The following PCDHGB2 variants were observed in gnomAD, a reference collection of about 807,000 sequenced individuals.
The protein encoded by PCDHGB2 is protocadherin gamma subfamily B, 2.
A neutral mutation model predicts 59.3 loss-of-function variants in PCDHGB2; 55 were observed. The observed-to-expected ratio is 0.93, with a 90% CI of 0.75 to 1.16. The LOEUF (loss-of-function observed/expected upper bound fraction) is 1.16. Among genes scored for constraint, PCDHGB2 ranks in the 50% most tolerant of loss-of-function variants. The pLI is 0.00. For missense variants in PCDHGB2, 1,228 were observed against 1,198.5 expected (o/e 1.02, Z -0.36); for synonymous variants, 516 against 512.0 (o/e 1.01, Z -0.11).
At chr5:141,404,023 A>G in intron 1 of PCDHGB2, 1 of 1,613,874 alleles carries the variant, frequency 6.2e-7, no homozygotes, top group South Asian at 1.1e-5. Context: ...GCCCAGTGAG[A>G]GAAGACGCAC....
chr5:141,427,971 C>T (rs764145525), intron 1 of PCDHGB2: 1 of 1,593,512 alleles, frequency 6.3e-7, no homozygotes, highest in African/African-American at 1.3e-5. Flanking sequence ...GGTGCTGTAC[C>T]CCGCGCTGGG....
chr5:141,495,430 C>T (rs1189953474), intron 2 of PCDHGB2, among the ~76,000 whole-genome samples: 3 of 152,220 alleles, frequency 2.0e-5, no homozygotes, highest in Admixed American at 2.0e-4. Context: ...TCCCACTGTC[C>T]TCTGCCCCTA....
intron 1 of PCDHGB2, chr5:141,384,771 C>A (rs568102289): frequency 1.2e-6 from 2 of 1,613,878 alleles, no homozygotes; most frequent in Non-Finnish European, 1.7e-6. Flanking sequence ...TGTACACGGG[C>A]GAGGTGCGCA....
chr5:141,371,516 A>C, intron 1 of PCDHGB2: 5 of 1,613,882 alleles, frequency 3.1e-6, no homozygotes, highest in Non-Finnish European at 4.2e-6. Context: ...CACATGATCT[A>C]GATTCTGGAT....
chr5:141,497,084 G>A (rs1417389801), intron 2 of PCDHGB2, among the ~76,000 whole-genome samples: 1 of 152,098 alleles, frequency 6.6e-6, no homozygotes, highest in East Asian at 1.9e-4. Context: ...AGCGACTTAG[G>A]AGGCTGAGGC....
chr5:141,448,948 AAAAC>A (rs1237948751), intron 1 of PCDHGB2, among the ~76,000 whole-genome samples: 14 of 152,170 alleles, frequency 9.2e-5, no homozygotes, highest in African/African-American at 9.7e-5. Flanking sequence ...GCAACTCAAA[AAAAC>A]AAACAAACAA....
Position 141,432,035 on chromosome 5 carries a change from G to T in PCDHGB2, c.2422-62772G>T. 1 of 1,614,218 alleles carries T rather than the reference G, an allele frequency of 6.2e-7. No homozygotes were observed. The highest frequency in any genetic ancestry group is 1.1e-5 in the South Asian group (1 of 91,066). On this transcript the variant is annotated intron_variant, in intron 1 of 3. Transcript: ENST00000522605. The surrounding 1 kb of genome is among the most constrained non-coding windows in gnomAD (Gnocchi z 6.0). ...CTACAACATCACAGTGACCGCCACT[G>T]ACCGGGGAACCCCGCCCCTATCCAC... is the stretch of plus-strand genomic sequence containing the variant.
At position 141,432,950 on chromosome 5, in the gene PCDHGB2, G is replaced by A. The variant is rs750033444; in HGVS notation, c.2422-61857G>A. 9.9e-6 allele frequency: 16 copies of A among 1,614,190 alleles called. No individual in the cohort carries two copies. The highest frequency in any genetic ancestry group is 1.3e-5 in the African/African-American group (1 of 75,060). ...ACGCCTGCTGCAGGCTTCAGGAGGC[G>A]GCTTGACAGGAGCGCCGGCGTCGCA... is the stretch of plus-strand genomic sequence containing the variant. On this transcript the variant is annotated intron_variant, in intron 1 of 3. Coordinates refer to ENST00000522605, the MANE Select transcript of PCDHGB2 (RefSeq NM_018923.3). This position sits in a 1 kb window ranked among gnomAD's most constrained non-coding sequence, Gnocchi z 6.0.
rs147783721 is a variant in PCDHGB2 at position 141,404,989 on chromosome 5, G to T, written c.2421+42433G>T. ...TCCTGGCTGACCTGGGCAGTCTTCAGATCCCTGCAGACCTGGAGGCCTCAG... is the reference window on the plus strand; with the variant it reads ...TCCTGGCTGACCTGGGCAGTCTTCATATCCCTGCAGACCTGGAGGCCTCAG... On this transcript the variant is annotated intron_variant, in intron 1 of 3. Transcript: ENST00000522605. 1.6e-5 allele frequency: 26 copies of T among 1,614,046 alleles called. No individual in the cohort carries two copies. In the Admixed American group the frequency reaches 4.0e-4, roughly 25 times the overall value.
intron 1 of PCDHGB2, among the ~76,000 whole-genome samples, chr5:141,475,299 T>C (rs1227132122): frequency 6.6e-6 from 1 of 152,204 alleles, no homozygotes; most frequent in Non-Finnish European, 1.5e-5. Context: ...AAATTTCTTA[T>C]TGCTCCCTGG....
chr5:141,365,402 G>A (rs1437859206), intron 1 of PCDHGB2: 2 of 1,613,998 alleles, frequency 1.2e-6, no homozygotes, highest in South Asian at 2.2e-5. Context: ...TTCGATCTCT[G>A]AAGACTGTCT....
chr5:141,408,575 G>A (rs1300122367), intron 1 of PCDHGB2: 4 of 1,613,918 alleles, frequency 2.5e-6, no homozygotes, highest in East Asian at 2.2e-5. Context: ...GGTGATTGAG[G>A]ATGTTAATGA....
At chr5:141,468,965 T>C (rs2099187692) in intron 1 of PCDHGB2, among the ~76,000 whole-genome samples, 1 of 151,738 alleles carries the variant, frequency 6.6e-6, no homozygotes, top group Admixed American at 6.6e-5. Context: ...TTTTTTACCT[T>C]AGGCTTTTGA....
At chr5:141,374,549 G>C in intron 1 of PCDHGB2, 1 of 1,613,404 alleles carries the variant, frequency 6.2e-7, no homozygotes, top group Non-Finnish European at 8.5e-7. Flanking sequence ...TCCACTAATG[G>C]AGGTCTATGA....
chr5:141,447,864 T>A (rs2098553913), intron 1 of PCDHGB2, among the ~76,000 whole-genome samples: 1 of 152,098 alleles, frequency 6.6e-6, no homozygotes, highest in Non-Finnish European at 1.5e-5. Context: ...GGTGGGTGAA[T>A]CATCTGAGGT....
intron 1 of PCDHGB2, among the ~76,000 whole-genome samples, chr5:141,453,293 T>TTATG: frequency 6.6e-6 from 1 of 151,872 alleles, no homozygotes; most frequent in Non-Finnish European, 1.5e-5. Flanking sequence ...TTTTAATTAT[T>TTATG]TATTTATTTA....
intron 1 of PCDHGB2, chr5:141,418,919 G>C: frequency 6.2e-7 from 1 of 1,614,016 alleles, no homozygotes. Flanking sequence ...GTCACTCTCT[G>C]ATCAGATTAT....
intron 1 of PCDHGB2, among the ~76,000 whole-genome samples, chr5:141,407,534 A>G (rs72790039): frequency 0.022 from 3,304 of 149,594 alleles, 53 homozygotes; most frequent in South Asian, 0.039. Context: ...CTTATTGTGC[A>G]TTGGTAACAG....
chr5:141,389,905 C>T (rs1254194844), intron 1 of PCDHGB2: 1 of 1,613,984 alleles, frequency 6.2e-7, no homozygotes, highest in Non-Finnish European at 8.5e-7. Flanking sequence ...CCGGATATCA[C>T]TGACCGCCCC....
Sources: gnomAD v4.1 joint callset for allele counts (sites outside exome capture counted in the v4.1 genomes callset) on GRCh38, gnomAD v4.1.1 for gene constraint, Gnocchi (gnomAD v3.1) non-coding constraint, MANE v1.5 for transcripts, NCBI Gene and HGNC (gene_info 2026-07-23, HGNC 2026-07-21) for gene names.